Variants in SNX29 observed in about 807,000 individuals in gnomAD.
SNX29 encodes sorting nexin 29, also known as sorting nexin-29.
SNX29 carries 78 observed loss-of-function variants against 102.1 expected under a neutral mutation model. The ratio of observed to expected loss-of-function variants is 0.76; its 90% CI spans 0.64 to 0.92. The LOEUF (loss-of-function observed/expected upper bound fraction) is 0.92, where lower values mean the gene tolerates loss of function less well. SNX29 is among the 40% of genes least tolerant of loss of function. SNX29 has a pLI of 0.00. For missense variants in SNX29, 1,280 were observed against 1,061.7 expected (o/e 1.21, Z -2.86); for synonymous variants, 580 against 414.5 (o/e 1.40, Z -4.85).
intron 19 of SNX29, among the ~76,000 whole-genome samples, chr16:12,510,136 G>T (rs534359373): frequency 6.6e-6 from 1 of 152,336 alleles, no homozygotes; most frequent in African/African-American, 2.4e-5. Context: ...CATCTCCTTT[G>T]ATGTAGCCCA....
intron 13 of SNX29, among the ~76,000 whole-genome samples, chr16:12,172,391 A>G (rs934998162): frequency 2.6e-5 from 4 of 152,108 alleles, no homozygotes; most frequent in Admixed American, 1.3e-4. Flanking sequence ...TGGTACCTCC[A>G]ATATCTCTGA....
chr16:12,005,644 G>A (rs187323466), intron 3 of SNX29, among the ~76,000 whole-genome samples: 95 of 152,236 alleles, frequency 6.2e-4, no homozygotes, highest in Non-Finnish European at 1.2e-3. Flanking sequence ...CCTGAGAGAG[G>A]CAATCCTGCT....
chr16:12,441,093 T>C (rs1354081274), intron 18 of SNX29, among the ~76,000 whole-genome samples: 2 of 18,504 alleles, frequency 1.1e-4, no homozygotes, highest in Non-Finnish European at 1.9e-4. Context: ...TCATTCCTTT[T>C]TTTTTTTTTT....
chr16:12,294,792 G>A (rs2079924776), intron 15 of SNX29, among the ~76,000 whole-genome samples: 1 of 152,102 alleles, frequency 6.6e-6, no homozygotes, highest in Non-Finnish European at 1.5e-5. Flanking sequence ...TTGTGTTCAG[G>A]CCTAACACAG....
chr16:12,070,748 G>C (rs1243982371), intron 10 of SNX29, among the ~76,000 whole-genome samples: 1 of 152,026 alleles, frequency 6.6e-6, no homozygotes, highest in Non-Finnish European at 1.5e-5. Context: ...CTGAGGAATC[G>C]CCACACTGAC....
chr16:12,070,203 T>C (rs1431354130), intron 10 of SNX29, among the ~76,000 whole-genome samples: 1 of 151,956 alleles, frequency 6.6e-6, no homozygotes, highest in Non-Finnish European at 1.5e-5. Context: ...ATTATTTAAG[T>C]TTTAGGGTAC....
intron 14 of SNX29, among the ~76,000 whole-genome samples, chr16:12,243,601 A>G (rs574495245): frequency 9.9e-5 from 15 of 152,284 alleles, no homozygotes; most frequent in South Asian, 4.1e-4. Flanking sequence ...CAATTTTTTC[A>G]TGGACCAGTC....
intron 18 of SNX29, among the ~76,000 whole-genome samples, chr16:12,444,845 T>TTG (rs916294312): frequency 2.0e-5 from 3 of 148,642 alleles, no homozygotes; most frequent in Admixed American, 6.7e-5. Flanking sequence ...TTTTTTTGTT[T>TTG]TTTTTTTTTT....
Position 12,003,158 on chromosome 16 carries a change from C to T in SNX29, c.122+115C>T, listed in dbSNP as rs200825895. 69 of 1,279,626 alleles carry T rather than the reference C, an allele frequency of 5.4e-5. No homozygotes were observed. In the East Asian group the frequency reaches 1.6e-3, roughly 29 times the overall value. The allele number at this position is 1,279,626 out of a possible 1,614,324, so 79.3% of individuals were successfully genotyped here. On this transcript the variant is annotated intron_variant, in intron 3 of 20. Coordinates refer to ENST00000566228, the MANE Select transcript of SNX29 (RefSeq NM_032167.5). Reference sequence around the variant, plus strand: ...TGGAAAGGCGGCAGAAGGCGGCTGGCTTCTGGGCTCTGCCTCTGCAGCCAA... The same window carrying T: ...TGGAAAGGCGGCAGAAGGCGGCTGGTTTCTGGGCTCTGCCTCTGCAGCCAA...
At chr16:12,245,419 A>G (rs1029904819) in intron 14 of SNX29, among the ~76,000 whole-genome samples, 1 of 151,844 alleles carries the variant, frequency 6.6e-6, no homozygotes, top group Non-Finnish European at 1.5e-5. Context: ...CAAACATGTC[A>G]AAGATGACAT....
At chr16:12,410,489 C>G (rs768276993) in intron 18 of SNX29, among the ~76,000 whole-genome samples, 1 of 152,110 alleles carries the variant, frequency 6.6e-6, no homozygotes, top group South Asian at 2.1e-4. Context: ...CTTTGTCACT[C>G]AGGCTGGGGT....
At chr16:12,281,311 CTT>C (rs1478008889) in intron 15 of SNX29, among the ~76,000 whole-genome samples, 1 of 152,156 alleles carries the variant, frequency 6.6e-6, no homozygotes, top group Non-Finnish European at 1.5e-5. Context: ...ATCTAGGTGT[CTT>C]TGAGAGCATG....
At chr16:12,046,000 CT>C (rs1371573803) in intron 5 of SNX29, among the ~76,000 whole-genome samples, 3 of 152,116 alleles carry the variant, frequency 2.0e-5, no homozygotes, top group Admixed American at 2.0e-4. Context: ...ATGGTCTCTT[CT>C]TGTATTAGGC....
chr16:12,336,828 C>T lies in SNX29; in HGVS notation c.1783-19335C>T, dbSNP rs987304540. Among the ~76,000 whole-genome samples the T allele has an allele frequency of 2.0e-5, 3 of 152,152 alleles. No individual in the cohort carries two copies. The South Asian group carries it at 6.2e-4, about 32-fold the overall frequency. ...AGGTGTGGTGATGTGTACCTGTAAT[C>T]CCAGCTACGCAGAAGGCTAATATGG... On this transcript the variant is annotated intron_variant, in intron 15 of 20. Coordinates refer to ENST00000566228, the MANE Select transcript of SNX29 (RefSeq NM_032167.5).
chr16:12,340,045 C>CT (rs2081567917), intron 15 of SNX29, among the ~76,000 whole-genome samples: 1 of 152,196 alleles, frequency 6.6e-6, no homozygotes, highest in Non-Finnish European at 1.5e-5. Context: ...GAAAAAGGGT[C>CT]TTTTAGCATC....
chr16:12,493,084 T>A (rs549337713), intron 19 of SNX29, among the ~76,000 whole-genome samples: 1 of 152,350 alleles, frequency 6.6e-6, no homozygotes, highest in East Asian at 1.9e-4. Context: ...CATTGGTAGC[T>A]TGATGGGGAT....
rs180994831 is a variant in SNX29, at chr16:12,256,752, C to G, written c.1679-21181C>G. ...GGGAACAAGACAGAGTTCCTGGGTA[C>G]GTGGGATTTCCATTTTACTGGGAAT... On this transcript the variant is annotated intron_variant, in intron 14 of 20. Transcript: ENST00000566228. Among the ~76,000 whole-genome samples the G allele has an allele frequency of 2.2e-3, 336 of 152,238 alleles. 3 individuals are homozygous for G. The highest frequency in any genetic ancestry group is 7.2e-4 in the Non-Finnish European group (49 of 68,022).
chr16:12,377,542 CAT>C (rs1349318240), intron 16 of SNX29, among the ~76,000 whole-genome samples: 4 of 152,184 alleles, frequency 2.6e-5, no homozygotes, highest in Non-Finnish European at 5.9e-5. Context: ...AAAGAGAGAG[CAT>C]AGTTACTTGT....
chr16:12,558,734 C>CGTG (rs980474087), intron 20 of SNX29, among the ~76,000 whole-genome samples: 3 of 152,246 alleles, frequency 2.0e-5, no homozygotes, highest in Non-Finnish European at 4.4e-5. Flanking sequence ...CAAGCCTCAC[C>CGTG]ACTAGGCTGT....
Sources: allele counts gnomAD v4.1 joint callset (sites outside exome capture counted in the v4.1 genomes callset), GRCh38; gene constraint gnomAD v4.1.1; transcripts MANE v1.5; gene names NCBI Gene and HGNC (gene_info 2026-07-23, HGNC 2026-07-21).